The following CRAMP1 variants were observed in gnomAD, a reference collection of about 807,000 sequenced individuals.
CRAMP1 encodes the protein cramped chromatin regulator 1.
A neutral mutation model predicts 115.4 loss-of-function variants in CRAMP1; 50 were observed. The observed-to-expected ratio is 0.43, with a 90% confidence interval of 0.35 to 0.55. CRAMP1 has a LOEUF of 0.55. Among genes scored for constraint, CRAMP1 ranks in the 20% least tolerant of loss-of-function variants. The pLI is 0.01. For synonymous variants in CRAMP1, 866 were observed against 745.4 expected (o/e 1.16, Z -2.64); for missense variants, 1,679 against 1,721.7 (o/e 0.98, Z 0.44).
rs1167568695 is a variant in CRAMP1 at position 1,614,313 on chromosome 16, C to A, written c.-1-326C>A. On this transcript the variant is annotated intron_variant, in intron 1 of 20. Coordinates refer to ENST00000397412, the MANE Select transcript of CRAMP1 (RefSeq NM_020825.4). The surrounding 1 kb of genome is among the most constrained non-coding windows in gnomAD (Gnocchi z 4.4). Reference sequence around the variant, plus strand: ...CCCGCGCCGGGGCTCCCATAGACCCCGGGGCCGGGGCCGGGGCCGGGGCCG... The same window carrying A: ...CCCGCGCCGGGGCTCCCATAGACCCAGGGGCCGGGGCCGGGGCCGGGGCCG... Among the ~76,000 whole-genome samples, 15 of 144,104 alleles carry A rather than the reference C, an allele frequency of 1.0e-4. No homozygotes were observed. Among genetic ancestry groups the A allele is most frequent in the Admixed American group, 4.8e-4 (7 of 14,578 alleles). 94.5% of individuals were successfully genotyped at this position (144,104 alleles called of 152,430 possible). A position where few individuals can be genotyped will look rare whatever the true frequency, so the allele number is the denominator to read the frequency against.
intron 2 of CRAMP1, among the ~76,000 whole-genome samples, chr16:1,621,797 T>C (rs2036467728): frequency 6.6e-6 from 1 of 152,162 alleles, no homozygotes; most frequent in South Asian, 2.1e-4. Flanking sequence ...CTCCTCATTG[T>C]GCAGACCACA....
intron 5 of CRAMP1, among the ~76,000 whole-genome samples, chr16:1,639,845 T>G (rs758708799): frequency 4.6e-5 from 7 of 152,204 alleles, no homozygotes; most frequent in Non-Finnish European, 1.0e-4. Flanking sequence ...TTGATTTAGT[T>G]CTAGGAAGTC....
At chr16:1,642,193 C>T (rs2036638182) in intron 6 of CRAMP1, among the ~76,000 whole-genome samples, 1 of 152,222 alleles carries the variant, frequency 6.6e-6, no homozygotes, top group East Asian at 1.9e-4. Flanking sequence ...ACCCATCTCT[C>T]TTCCGTCCAT....
At chr16:1,647,865 C>T (rs930657316) in intron 6 of CRAMP1, among the ~76,000 whole-genome samples, 1 of 151,810 alleles carries the variant, frequency 6.6e-6, no homozygotes, top group African/African-American at 2.4e-5. Context: ...TGTGCCGGGC[C>T]TATCTGGGAA....
chr16:1,615,051 C>G (rs963285123), intron 2 of CRAMP1, 66 bp downstream of exon 2: 2 of 984,506 alleles, frequency 2.0e-6, no homozygotes, highest in East Asian at 6.6e-5. Context: ...GGGAGAGGAA[C>G]CCCTCGCCCC....
At chr16:1,636,866 AAG>A (rs2036592041) in intron 4 of CRAMP1, among the ~76,000 whole-genome samples, 1 of 152,204 alleles carries the variant, frequency 6.6e-6, no homozygotes, top group Non-Finnish European at 1.5e-5. Flanking sequence ...CTCTTGAGGA[AAG>A]AGGGGTGGGA....
chr16:1,662,858 A>C (rs1170702923), intron 13 of CRAMP1, 23 bp downstream of exon 13: 1 of 1,604,928 alleles, frequency 6.2e-7, no homozygotes, highest in Admixed American at 1.7e-5. Context: ...TCAAGTCTGA[A>C]CGTGTGGCCT....
At chr16:1,652,438 C>G in intron 6 of CRAMP1, 58 bp from the exon 7 acceptor site, 1 of 1,462,298 alleles carries the variant, frequency 6.8e-7, no homozygotes, top group Non-Finnish European at 9.3e-7. Flanking sequence ...GTGTGCTGGC[C>G]CTTCCGTCCT....
In CRAMP1 at chr16:1,662,487, C is replaced by G. The variant is rs765242316; in HGVS notation, c.2414-3C>G. 25 of 1,612,458 alleles carry G rather than the reference C, an allele frequency of 1.6e-5. No homozygotes were observed. The South Asian group carries it at 1.9e-4, about 12-fold the overall frequency. On this transcript the variant is annotated splice_polypyrimidine_tract_variant and splice_region_variant and intron_variant, in intron 11 of 20. Coordinates refer to ENST00000397412, the MANE Select transcript of CRAMP1 (RefSeq NM_020825.4). ...ACACTGATTCTCTCCTCTCCTCTCCCAGGTTTGAGAAACCCTCCAAGACCC... is the reference window on the plus strand; with the variant it reads ...ACACTGATTCTCTCCTCTCCTCTCCGAGGTTTGAGAAACCCTCCAAGACCC...
In CRAMP1 at chr16:1,632,301, G is replaced by A; in HGVS notation, c.630G>A (p.Glu210=). 1 of 1,600,620 alleles carries A rather than the reference G, an allele frequency of 6.2e-7. No individual in the cohort carries two copies. Among genetic ancestry groups the A allele is most frequent in the Non-Finnish European group, 8.5e-7 (1 of 1,174,070 alleles). ...CAGCAAGCATGGTGAAGAACAAGGA[G>A]CAGGTCCGCCACTTCTACTACCGCA... is the stretch of plus-strand genomic sequence containing the variant. The part of the protein sequence containing the change: ...GKPASMVKNK[E]QVRHFYYRTW... Residue 210 remains glutamate (E), a synonymous_variant, in exon 4 of 21, where the codon GAG becomes GAA. Coordinates refer to ENST00000397412, the MANE Select transcript of CRAMP1 (RefSeq NM_020825.4).
At chr16:1,664,565 G>A (rs1175802546) in intron 13 of CRAMP1, among the ~76,000 whole-genome samples, 2 of 152,282 alleles carry the variant, frequency 1.3e-5, no homozygotes, top group East Asian at 1.9e-4. Flanking sequence ...GATCACCTGA[G>A]GTCAGGAGTT....
Position 1,656,340 on chromosome 16 carries a change from C to T in CRAMP1, c.1583C>T (p.Ala528Val), listed in dbSNP as rs1236741727. The T allele has an allele frequency of 2.5e-6, 4 of 1,609,056 alleles. No homozygotes were observed. The highest frequency in any genetic ancestry group is 3.4e-6 in the Non-Finnish European group (4 of 1,178,356). Residue 528 changes from alanine (A) to valine (V), a missense_variant, in exon 10 of 21, where the codon GCA becomes GTA. Physicochemically the swap from Ala to Val is moderately conservative, Grantham distance 64 (BLOSUM62 0). Around this residue, in one of 8 missense-constraint regions of CRAMP1, gnomAD observed 405 missense variants for 302.6 expected, o/e 1.34. Coordinates refer to ENST00000397412, the MANE Select transcript of CRAMP1 (RefSeq NM_020825.4). This position sits in a 1 kb window ranked among gnomAD's most constrained non-coding sequence, Gnocchi z 5.6. ...DTGPCLEKTP[A>V]EGRDSPTREP... ...GGGCCATGTCTTGAGAAGACCCCTGCAGAAGGCAGGGACAGTCCCACCCGG... is the reference window on the plus strand; with the variant it reads ...GGGCCATGTCTTGAGAAGACCCCTGTAGAAGGCAGGGACAGTCCCACCCGG...
chr16:1,628,041 C>T (rs1033469655), intron 3 of CRAMP1, among the ~76,000 whole-genome samples: 2 of 152,164 alleles, frequency 1.3e-5, no homozygotes, highest in Non-Finnish European at 2.9e-5. Context: ...CCACCCTTTA[C>T]CCTTATTCAA....
At chr16:1,618,207 G>A (rs1001884665) in intron 2 of CRAMP1, among the ~76,000 whole-genome samples, 2 of 152,190 alleles carry the variant, frequency 1.3e-5, no homozygotes, top group Non-Finnish European at 2.9e-5. Context: ...GCTTGAACCC[G>A]GGAGGCGGAG....
Position 1,660,000 on chromosome 16 carries a change from C to G in CRAMP1, c.2350C>G (p.Arg784Gly). The change falls in exon 11 of 21, where the codon CGG becomes GGG. Residue 784 changes from arginine to glycine, a missense_variant. Physicochemically the swap from Arg to Gly is moderately radical, Grantham distance 125. Coordinates refer to ENST00000397412, the MANE Select transcript of CRAMP1 (RefSeq NM_020825.4). Reference sequence around the variant, plus strand: ...CAGCTCTCGCAGCCCCCGCTGCCCTCGGAACCAGGCCTCCCTCCGCAGCAG... The same window carrying G: ...CAGCTCTCGCAGCCCCCGCTGCCCTGGGAACCAGGCCTCCCTCCGCAGCAG... Reference protein sequence around the residue: ...TVSSRSPRCPRNQASLRSSKT... With the variant: ...TVSSRSPRCPGNQASLRSSKT... 6.2e-7 allele frequency: 1 copy of G among 1,604,618 alleles called. No individual in the cohort carries two copies. Among genetic ancestry groups the G allele is most frequent in the Non-Finnish European group, 8.5e-7 (1 of 1,179,684 alleles).
In CRAMP1 at chr16:1,675,269, C is replaced by T. The variant is rs1056578117; in HGVS notation, c.*1224C>T. 4 of 152,356 alleles carry T rather than the reference C, an allele frequency of 2.6e-5. No homozygotes were observed. The highest frequency in any genetic ancestry group is 5.9e-5 in the Non-Finnish European group (4 of 68,150). The allele number at this position is 152,356 out of a possible 1,614,324, so 9.4% of individuals were successfully genotyped here. A position where few individuals can be genotyped will look rare whatever the true frequency, so the allele number is the denominator to read the frequency against. The stretch of plus-strand genomic sequence containing the variant: ...ACAAGGGCCCCTTTGCCTTCTCATC[C>T]TCAGGAGTTCCAGGCACATGAGTCA... On this transcript the variant is annotated 3_prime_UTR_variant, in exon 21 of 21. Transcript: ENST00000397412.
At chr16:1,624,323 C>G (rs1427656508) in intron 2 of CRAMP1, among the ~76,000 whole-genome samples, 1 of 152,016 alleles carries the variant, frequency 6.6e-6, no homozygotes, top group Non-Finnish European at 1.5e-5. Context: ...GGGCCCCCTT[C>G]TGGGTCGATG....
At chr16:1,613,483 G>A (rs1324232545) in intron 1 of CRAMP1, among the ~76,000 whole-genome samples, 2 of 152,176 alleles carry the variant, frequency 1.3e-5, no homozygotes, top group South Asian at 2.1e-4. Context: ...CAGTTGAGTT[G>A]AACGCAGGGT....
At position 1,665,974 on chromosome 16, in the gene CRAMP1, C is replaced by A. The variant is rs144381691; in HGVS notation, c.2753-99C>A. 2,479 of 772,770 alleles carry A rather than the reference C, an allele frequency of 3.2e-3. 12 individuals carry two copies. Among genetic ancestry groups the A allele is most frequent in the Non-Finnish European group, 4.7e-3 (2,145 of 453,738 alleles). 47.9% of individuals were successfully genotyped at this position (772,770 alleles called of 1,614,324 possible). A position where few individuals can be genotyped will look rare whatever the true frequency, so the allele number is the denominator to read the frequency against. ...TCCAGCTTGGCTCGGCTCCCACACT[C>A]CCAACAGTGGCTGTAAAGGAAGCCC... On this transcript the variant is annotated intron_variant, in intron 14 of 20. Transcript: ENST00000397412.
Sources: gnomAD v4.1 joint callset for allele counts (sites outside exome capture counted in the v4.1 genomes callset) on GRCh38, gnomAD v4.1.1 for gene constraint, gnomAD v4.1.1 regional missense constraint, Gnocchi (gnomAD v3.1) non-coding constraint, MANE v1.5 for transcripts, NCBI Gene and HGNC (gene_info 2026-07-23, HGNC 2026-07-21) for gene names.